The following TRPM2 variants were observed in gnomAD, a reference collection of about 807,000 sequenced individuals.
The protein encoded by TRPM2 is estrogen-responsive element-associated gene 1 protein.
TRPM2 carries 161 observed loss-of-function variants against 174.0 expected under a neutral mutation model. That is an observed-to-expected ratio of 0.93 (90% CI 0.81 to 1.05). TRPM2 has a LOEUF of 1.05. Ranked by LOEUF, TRPM2 falls within the 50% of genes least tolerant of loss-of-function variation. TRPM2 has a pLI of 0.00. For synonymous variants in TRPM2, 954 were observed against 861.3 expected (o/e 1.11, Z -1.88); for missense variants, 2,057 against 2,038.0 (o/e 1.01, Z -0.18).
intron 2 of TRPM2, among the ~76,000 whole-genome samples, chr21:44,359,880 G>A (rs28615158): frequency 7.9e-5 from 12 of 151,310 alleles, no homozygotes; most frequent in African/African-American, 2.7e-4. Context: ...CCTGAGTAGC[G>A]GGGACTACAG....
chr21:44,397,931 C>T, intron 13 of TRPM2, 55 bp downstream of exon 13: 2 of 1,503,512 alleles, frequency 1.3e-6, no homozygotes, highest in East Asian at 2.4e-5. Flanking sequence ...CATGCCCTCA[C>T]CTGGAGTTCC....
At chr21:44,401,422 G>A (rs572981645) in intron 15 of TRPM2, among the ~76,000 whole-genome samples, 11 of 152,312 alleles carry the variant, frequency 7.2e-5, no homozygotes, top group South Asian at 4.1e-4. Context: ...TGGGCAGGGC[G>A]TCAGCGGGCA....
At position 44,423,655 on chromosome 21, in the gene TRPM2, A is replaced by ATGGTGGACC; in HGVS notation, c.3475_3483dup (p.Val1159_Leu1161dup). 6.2e-7 allele frequency: 1 copy of ATGGTGGACC among 1,612,818 alleles called. No individual in the cohort carries two copies. The highest frequency in any genetic ancestry group is 8.5e-7 in the Non-Finnish European group (1 of 1,179,770). ...TGCTTCCTCTTTCAGGGTTGACGCC[A>ATGGTGGACC]TGGTGGACCTGCTGGACCTGGACCC... On this transcript the variant is annotated inframe_insertion, in exon 23 of 32. Transcript: ENST00000397928.
chr21:44,361,859 C>T (rs1291879487), intron 2 of TRPM2, among the ~76,000 whole-genome samples: 2 of 152,178 alleles, frequency 1.3e-5, no homozygotes, highest in African/African-American at 4.8e-5. Flanking sequence ...CAGACATGCA[C>T]CACCATGCCC....
At chr21:44,422,243 G>A in intron 22 of TRPM2, 1 of 1,534,318 alleles carries the variant, frequency 6.5e-7, no homozygotes, top group Non-Finnish European at 8.7e-7. Context: ...GAGGTGAGCT[G>A]AGTTCACCAA....
At position 44,426,734 on chromosome 21, in the gene TRPM2, A is replaced by G. The variant is rs1196017942; in HGVS notation, c.3870A>G (p.Gly1290=). 6.2e-7 allele frequency: 1 copy of G among 1,613,818 alleles called. No individual in the cohort carries two copies. Among genetic ancestry groups the G allele is most frequent in the African/African-American group, 1.3e-5 (1 of 74,904 alleles). Residue 1290 remains glycine (G), a splice_region_variant and synonymous_variant, in exon 26 of 32, where the codon GGA becomes GGG. Coordinates refer to ENST00000397928, the MANE Select transcript of TRPM2 (RefSeq NM_003307.4). ...RKDAAAMDPM[G]DTLEPLSTIQ... is the part of the protein sequence containing the mutation. ...ACGCGGCCGCCATGGACCCCATGGGAGAGTGAGTATGAGCCGCTGTCCGTG... is the reference window on the plus strand; with the variant it reads ...ACGCGGCCGCCATGGACCCCATGGGGGAGTGAGTATGAGCCGCTGTCCGTG...
chr21:44,391,394 C>G lies in TRPM2; in HGVS notation c.1563C>G (p.Tyr521Ter). Residue 521 changes from tyrosine (Y) to a stop codon, truncating the protein, a stop_gained, in exon 11 of 32, where the codon TAC (tyrosine) becomes TAG (stop). Transcript: ENST00000397928. LOFTEE classifies it high-confidence loss of function. This position sits in a 1 kb window ranked among gnomAD's most constrained non-coding sequence, Gnocchi z 5.0. ...TTGTCACCTGGGACACCTTGCTCTA[C>G]CTGTACGAGAACCTGGACCCCTCCT... ...KEFVTWDTLL[Y>*]LYENLDPSCL... 3 of 1,614,154 alleles carry G rather than the reference C, an allele frequency of 1.9e-6. No homozygotes were observed. Among genetic ancestry groups the G allele is most frequent in the East Asian group, 4.5e-5 (2 of 44,888 alleles).
At chr21:44,434,549 C>G (rs972430349) in intron 27 of TRPM2, among the ~76,000 whole-genome samples, 1 of 152,132 alleles carries the variant, frequency 6.6e-6, no homozygotes, top group Non-Finnish European at 1.5e-5. Flanking sequence ...CAGGAAATCG[C>G]CCGTTTCTAG....
At position 44,401,582 on chromosome 21, in the gene TRPM2, C is replaced by G. The variant is rs1463863352; in HGVS notation, c.2322-99C>G. 3.1e-6 allele frequency: 4 copies of G among 1,287,122 alleles called. No individual in the cohort carries two copies. The East Asian group carries it at 7.0e-5, about 23-fold the overall frequency. 79.7% of individuals were successfully genotyped at this position (1,287,122 alleles called of 1,614,324 possible). A position where few individuals can be genotyped will look rare whatever the true frequency, so the allele number is the denominator to read the frequency against. On this transcript the variant is annotated intron_variant, in intron 15 of 31. Transcript: ENST00000397928. ...TGCTTTTGCCTCTAAAAGCACATCTCTCTGAGGGGCACGGGGGATCACGGG... is the reference window on the plus strand; with the variant it reads ...TGCTTTTGCCTCTAAAAGCACATCTGTCTGAGGGGCACGGGGGATCACGGG...
intron 15 of TRPM2, 106 bp from the exon 16 acceptor site, chr21:44,401,575 C>A: frequency 1.7e-6 from 2 of 1,196,160 alleles, no homozygotes; most frequent in South Asian, 1.3e-5. Flanking sequence ...CCTCTAAAAG[C>A]ACATCTCTCT....
rs369715794 is a variant in TRPM2, at chr21:44,440,789, G to C, written c.4270G>C (p.Val1424Leu). 6.2e-6 allele frequency: 10 copies of C among 1,613,400 alleles called. No homozygotes were observed. The highest frequency in any genetic ancestry group is 6.8e-6 in the Non-Finnish European group (8 of 1,179,730). The change falls in exon 31 of 32, where the codon GTG becomes CTG. Residue 1424 changes from valine to leucine, a missense_variant and splice_region_variant. Physicochemically the swap from Val to Leu is conservative, Grantham distance 32 (BLOSUM62 1). Coordinates refer to ENST00000397928, the MANE Select transcript of TRPM2 (RefSeq NM_003307.4). ...FENLLKCGME[V>L]YKGYMDDPRN... ...GGCTTACCCTGCCCTGCCCATCCAG[G>C]TGTACAAAGGCTACATGGATGACCC...
In TRPM2 at chr21:44,418,685, C is replaced by A. The variant is rs983875770; in HGVS notation, c.3461+130C>A. 7.5e-6 allele frequency: 9 copies of A among 1,198,232 alleles called. No homozygotes were observed. In the African/African-American group the frequency reaches 1.2e-4, roughly 16 times the overall value. The allele number at this position is 1,198,232 out of a possible 1,614,324, so 74.2% of individuals were successfully genotyped here. On this transcript the variant is annotated intron_variant, in intron 22 of 31. Coordinates refer to ENST00000397928, the MANE Select transcript of TRPM2 (RefSeq NM_003307.4). ...CCTCACCGGTGAGGGAGCGCTGTAT[C>A]CCGTGGCCCCTGCAATGCTGCAGGC... is the stretch of plus-strand genomic sequence containing the variant.
intron 8 of TRPM2, 47 bp from the exon 9 acceptor site, chr21:44,382,671 G>A (rs1159084429): frequency 6.3e-7 from 1 of 1,579,270 alleles, no homozygotes; most frequent in Non-Finnish European, 8.7e-7. Context: ...GAGGAGGCAG[G>A]GGTTCAGGAG....
chr21:44,399,290 G>T lies in TRPM2; in HGVS notation c.2063-6G>T, dbSNP rs372707236. ...GCTCTGACGGGGCTCTCATATCTCC[G>T]CCCAGGGGTCTTCACCGAGTGCTAC... On this transcript the variant is annotated splice_region_variant and splice_polypyrimidine_tract_variant and intron_variant, in intron 13 of 31. Coordinates refer to ENST00000397928, the MANE Select transcript of TRPM2 (RefSeq NM_003307.4). This position sits in a 1 kb window ranked among gnomAD's most constrained non-coding sequence, Gnocchi z 4.6. 2 of 1,611,052 alleles carry T rather than the reference G, an allele frequency of 1.2e-6. No homozygotes were observed. The highest frequency in any genetic ancestry group is 1.7e-5 in the Admixed American group (1 of 59,852).
chr21:44,398,326 G>A (rs894122265), intron 13 of TRPM2, among the ~76,000 whole-genome samples: 12 of 151,566 alleles, frequency 7.9e-5, no homozygotes, highest in African/African-American at 2.7e-4. Flanking sequence ...TCAGCCTCCC[G>A]AGTAGCTGGG....
intron 30 of TRPM2, among the ~76,000 whole-genome samples, chr21:44,440,535 A>G (rs902706876): frequency 6.6e-6 from 1 of 152,088 alleles, no homozygotes; most frequent in Non-Finnish European, 1.5e-5. Flanking sequence ...GTCTTCCTTC[A>G]CTGAGCAGAC....
In TRPM2 at chr21:44,391,491, C is replaced by T. The variant is rs774630369; in HGVS notation, c.1660C>T (p.Pro554Ser). Residue 554 changes from proline (P) to serine (S), a missense_variant, in exon 11 of 32, where the codon CCC becomes TCC. By Grantham distance (74) the Pro-to-Ser change is moderately conservative (BLOSUM62 -1). Coordinates refer to ENST00000397928, the MANE Select transcript of TRPM2 (RefSeq NM_003307.4). This position sits in a 1 kb window ranked among gnomAD's most constrained non-coding sequence, Gnocchi z 5.0. ...PERPACAPAA[P>S]RLQMHHVAQV... ...GCGCCCGGCTTGCGCGCCCGCGGCG[C>T]CCCGCCTGCAGATGCACCACGTGGC... 3.1e-6 allele frequency: 5 copies of T among 1,608,934 alleles called. No homozygotes were observed. Among genetic ancestry groups the T allele is most frequent in the East Asian group, 4.5e-5 (2 of 44,844 alleles).
intron 11 of TRPM2, among the ~76,000 whole-genome samples, chr21:44,393,552 C>G (rs953577424): frequency 3.9e-5 from 6 of 152,102 alleles, no homozygotes; most frequent in African/African-American, 9.7e-5. Flanking sequence ...TTTGTAAAAA[C>G]CATTTGGGAA....
At chr21:44,370,179 A>G (rs898030844) in intron 5 of TRPM2, among the ~76,000 whole-genome samples, 3 of 152,120 alleles carry the variant, frequency 2.0e-5, no homozygotes, top group African/African-American at 7.2e-5. Flanking sequence ...GGGTTCCGCT[A>G]ACAGAGCAGA....
Sources: allele counts gnomAD v4.1 joint callset (sites outside exome capture counted in the v4.1 genomes callset), GRCh38; gene constraint gnomAD v4.1.1; non-coding constraint Gnocchi (gnomAD v3.1); transcripts MANE v1.5; gene names NCBI Gene and HGNC (gene_info 2026-07-23, HGNC 2026-07-21).